SLC4A4: variants seen among roughly 807,000 people sequenced by gnomAD.
The protein encoded by SLC4A4 is electrogenic sodium bicarbonate cotransporter 1.
SLC4A4 carries 27 observed loss-of-function variants against 111.5 expected under a neutral mutation model. The observed-to-expected ratio is 0.24, with a 90% confidence interval of 0.18 to 0.33. The LOEUF is 0.33. Ranked by LOEUF, SLC4A4 falls within the 10% of genes least tolerant of loss-of-function variation. SLC4A4 has a pLI of 1.00. For missense variants in SLC4A4, 909 were observed against 1,315.5 expected (o/e 0.69, Z 4.78); for synonymous variants, 443 against 463.4 (o/e 0.96, Z 0.57).
intron 3 of SLC4A4, among the ~76,000 whole-genome samples, chr4:71,311,107 A>G (rs1049406899): frequency 6.6e-6 from 1 of 152,266 alleles, no homozygotes; most frequent in Admixed American, 6.5e-5. Context: ...AGGGCATTAC[A>G]TAATGGTAAA....
At chr4:71,196,834 CAAAAAAAAAAAAAAAAAAAAAAAAAAA>C (rs71212000) in intron 1 of SLC4A4, among the ~76,000 whole-genome samples, 2 of 20,320 alleles carry the variant, frequency 9.8e-5, no homozygotes, top group South Asian at 3.2e-3. Flanking sequence ...ACTCTGTCTC[CAAAAAAAAAAAAAAAAAAAAAAAAAAA>C]AAAAAAAAAA....
At chr4:71,308,339 A>G (rs1053135562) in intron 3 of SLC4A4, among the ~76,000 whole-genome samples, 1 of 152,092 alleles carries the variant, frequency 6.6e-6, no homozygotes, top group African/African-American at 2.4e-5. Flanking sequence ...TTACATGTGG[A>G]TTTTTCCCTT....
At chr4:71,419,957 TC>T (rs1722255500) in intron 7 of SLC4A4, among the ~76,000 whole-genome samples, 1 of 152,180 alleles carries the variant, frequency 6.6e-6, no homozygotes, top group African/African-American at 2.4e-5. Flanking sequence ...GGAAAGCAGT[TC>T]CTCACCAGCA....
rs535612996 is a variant in SLC4A4 at position 71,546,424 on chromosome 4, G to A, written c.2517G>A (p.Pro839=). The change falls in exon 19 of 26, where the codon CCG becomes CCA. Residue 839 remains proline (P), a synonymous_variant. Coordinates refer to ENST00000264485, the MANE Select transcript of SLC4A4 (RefSeq NM_001098484.3). ...LMVICSLMAL[P]WYVAATVISI... is the part of the protein sequence containing the mutation. ...TTATATGCTCCCTCATGGCTCTTCC[G>A]TGGTATGTAGCTGCTACGGTCATCT... 2.9e-5 allele frequency: 46 copies of A among 1,612,854 alleles called. No individual in the cohort carries two copies. Among genetic ancestry groups the A allele is most frequent in the East Asian group, 1.6e-4 (7 of 44,818 alleles).
intron 2 of SLC4A4, among the ~76,000 whole-genome samples, chr4:71,237,794 C>G (rs1248203166): frequency 6.6e-6 from 1 of 152,130 alleles, no homozygotes; most frequent in East Asian, 1.9e-4. Flanking sequence ...TCCACCCGCC[C>G]CCCTCAACTT....
At chr4:71,109,834 C>T (rs536815924) in intron 2 of SLC4A4, among the ~76,000 whole-genome samples, 1 of 152,128 alleles carries the variant, frequency 6.6e-6, no homozygotes, top group South Asian at 2.1e-4. Flanking sequence ...TGAGCCACCA[C>T]ACCCGGCAAT....
chr4:71,274,348 G>T (rs1429549849), intron 3 of SLC4A4, among the ~76,000 whole-genome samples: 2 of 152,086 alleles, frequency 1.3e-5, no homozygotes, highest in African/African-American at 4.8e-5. Flanking sequence ...AAGAAAATTT[G>T]CATGTAAGTG....
At chr4:71,218,694 A>T (rs896284787) in intron 1 of SLC4A4, among the ~76,000 whole-genome samples, 1 of 152,172 alleles carries the variant, frequency 6.6e-6, no homozygotes. Flanking sequence ...TTTAAATCTC[A>T]GTTTTATCAT....
intron 3 of SLC4A4, among the ~76,000 whole-genome samples, chr4:71,330,265 GT>G (rs1036079204): frequency 4.6e-5 from 7 of 152,080 alleles, no homozygotes; most frequent in African/African-American, 1.7e-4. Context: ...TTGGCCTGTA[GT>G]TTTCCTTTTC....
At chr4:71,511,398 C>T (rs1731903480) in intron 16 of SLC4A4, among the ~76,000 whole-genome samples, 1 of 151,878 alleles carries the variant, frequency 6.6e-6, no homozygotes, top group Non-Finnish European at 1.5e-5. Flanking sequence ...ATGTTTTCCC[C>T]TTATGCTCTT....
intron 2 of SLC4A4, among the ~76,000 whole-genome samples, chr4:71,131,559 A>T (rs146967654): frequency 1.0e-3 from 158 of 152,322 alleles, no homozygotes; most frequent in East Asian, 1.2e-3. Flanking sequence ...TGGAATTACT[A>T]TGTGGAAGTA....
intron 1 of SLC4A4, among the ~76,000 whole-genome samples, chr4:71,068,524 C>G (rs60674987): frequency 6.6e-6 from 1 of 152,064 alleles, no homozygotes; most frequent in South Asian, 2.1e-4. Context: ...ATTTTCATCA[C>G]CATACATTAG....
At chr4:71,137,762 C>T (rs1743883741) in intron 2 of SLC4A4, among the ~76,000 whole-genome samples, 1 of 152,178 alleles carries the variant, frequency 6.6e-6, no homozygotes, top group Non-Finnish European at 1.5e-5. Flanking sequence ...AATAAAGCAG[C>T]TGAGGTTGAA....
At chr4:71,481,724 T>C (rs1416548810) in intron 14 of SLC4A4, among the ~76,000 whole-genome samples, 2 of 148,720 alleles carry the variant, frequency 1.3e-5, no homozygotes, top group African/African-American at 4.9e-5. Flanking sequence ...AAGTCACAGA[T>C]ACATTTGTAA....
chr4:71,419,723 GC>G (rs1417158935), intron 7 of SLC4A4, among the ~76,000 whole-genome samples: 1 of 152,184 alleles, frequency 6.6e-6, no homozygotes, highest in African/African-American at 2.4e-5. Flanking sequence ...CCACTATCTG[GC>G]ACTCCCTAGT....
At chr4:71,125,833 C>A (rs372643005) in intron 2 of SLC4A4, among the ~76,000 whole-genome samples, 2 of 152,102 alleles carry the variant, frequency 1.3e-5, no homozygotes, top group Admixed American at 6.6e-5. Flanking sequence ...TATAAACTTG[C>A]AAATGCAAAA....
chr4:71,265,235 G>C (rs1207720316), intron 3 of SLC4A4, among the ~76,000 whole-genome samples: 1 of 152,164 alleles, frequency 6.6e-6, no homozygotes, highest in Non-Finnish European at 1.5e-5. Flanking sequence ...ATGGAGAGAA[G>C]GTGCTGTCTT....
intron 2 of SLC4A4, among the ~76,000 whole-genome samples, chr4:71,237,918 G>C (rs749824168): frequency 6.6e-6 from 1 of 152,016 alleles, no homozygotes; most frequent in Non-Finnish European, 1.5e-5. Flanking sequence ...TTGCATTTTT[G>C]CAACATGCTG....
intron 1 of SLC4A4, among the ~76,000 whole-genome samples, chr4:71,208,397 C>G (rs926606412): frequency 1.9e-4 from 28 of 150,380 alleles, no homozygotes; most frequent in Non-Finnish European, 3.7e-4. Flanking sequence ...CACCACTGCA[C>G]TCCAGCCTGG....
Sources: allele counts gnomAD v4.1 joint callset (sites outside exome capture counted in the v4.1 genomes callset), GRCh38; gene constraint gnomAD v4.1.1; transcripts MANE v1.5; gene names NCBI Gene and HGNC (gene_info 2026-07-23, HGNC 2026-07-21).